Variants in STEAP4 observed in about 807,000 individuals in gnomAD.
The protein encoded by STEAP4 is STEAP4 metalloreductase, also known as metalloreductase STEAP4.
In STEAP4, 36 loss-of-function variants were observed where a neutral mutation model predicts 43.6. The ratio of observed to expected loss-of-function variants is 0.83; its 90% confidence interval spans 0.63 to 1.09. The LOEUF is 1.09. Ranked by LOEUF, STEAP4 falls within the 50% of genes least tolerant of loss-of-function variation. The probability of loss-of-function intolerance (pLI) is 0.00; values close to 1 mark genes in which losing one functional copy is unlikely to be tolerated. For missense variants in STEAP4, 495 were observed against 546.5 expected (o/e 0.91, Z 0.94); for synonymous variants, 191 against 196.7 (o/e 0.97, Z 0.24).
At chr7:88,296,516 T>C (rs1852926239) in intron 1 of STEAP4, among the ~76,000 whole-genome samples, 1 of 152,150 alleles carries the variant, frequency 6.6e-6, no homozygotes, top group Non-Finnish European at 1.5e-5. Flanking sequence ...TTATTCTTTC[T>C]GAATTTCAAC....
chr7:88,274,360 G>C lies in STEAP4; in HGVS notation c.*5038C>G, dbSNP rs1311971257. ...AAGCAAGTAGTACTGGATCCTTTTG[G>C]CTTTTGCTGGGTAATGGCAAGAGCA... is the stretch of plus-strand genomic sequence containing the variant. On this transcript the variant is annotated 3_prime_UTR_variant, in exon 5 of 5. Coordinates refer to ENST00000380079, the MANE Select transcript of STEAP4 (RefSeq NM_024636.4). 14 of 152,154 alleles carry C rather than the reference G, an allele frequency of 9.2e-5. No homozygotes were observed. Among genetic ancestry groups the C allele is most frequent in the Admixed American group, 9.2e-4 (14 of 15,284 alleles). 9.4% of individuals were successfully genotyped at this position (152,154 alleles called of 1,614,324 possible). A position where few individuals can be genotyped will look rare whatever the true frequency, so the allele number is the denominator to read the frequency against.
At chr7:88,301,567 G>A (rs1853034915) in intron 1 of STEAP4, among the ~76,000 whole-genome samples, 1 of 151,870 alleles carries the variant, frequency 6.6e-6, no homozygotes, top group African/African-American at 2.4e-5. Context: ...GTGAACCACT[G>A]CACCTGGCCC....
chr7:88,292,343 C>A (rs774144782), intron 1 of STEAP4: 12 of 152,044 alleles, frequency 7.9e-5, no homozygotes, highest in Non-Finnish European at 1.5e-4. Context: ...GCCCTTCCAG[C>A]TTTTGAGGAT....
In STEAP4 at chr7:88,282,624, T is replaced by C. The variant is rs1303823934; in HGVS notation, c.984+17A>G. 7 of 1,601,058 alleles carry C rather than the reference T, an allele frequency of 4.4e-6. No homozygotes were observed. The East Asian group carries it at 6.7e-5, about 15-fold the overall frequency. On this transcript the variant is annotated intron_variant, in intron 3 of 4. Transcript: ENST00000380079. ...CTGATTTCAGGAGCAGAAGAAAATA[T>C]ATAAGAAGAGATTTACCTGGGTAAC...
At chr7:88,282,537 G>T in intron 3 of STEAP4, 104 bp downstream of exon 3, 1 of 1,100,572 alleles carries the variant, frequency 9.1e-7, no homozygotes, top group Non-Finnish European at 1.3e-6. Context: ...CTTTAAAAAA[G>T]AAGATGCTTA....
At position 88,271,479 on chromosome 7, in the gene STEAP4, A is replaced by G. The variant is rs532444093; in HGVS notation, c.*7919T>C. 35 of 152,376 alleles carry G rather than the reference A, an allele frequency of 2.3e-4. No homozygotes were observed. The highest frequency in any genetic ancestry group is 6.7e-4 in the African/African-American group (28 of 41,594). The allele number at this position is 152,376 out of a possible 1,614,324, so 9.4% of individuals were successfully genotyped here. On this transcript the variant is annotated 3_prime_UTR_variant, in exon 5 of 5. Transcript: ENST00000380079. ...GGACATCTTTCCATATATGTGAAAGAAGGTGTCTTGGTTTGTTTTAAACAG... is the reference window on the plus strand; with the variant it reads ...GGACATCTTTCCATATATGTGAAAGGAGGTGTCTTGGTTTGTTTTAAACAG...
chr7:88,286,737 A>G (rs758448122), intron 1 of STEAP4, among the ~76,000 whole-genome samples: 11 of 150,264 alleles, frequency 7.3e-5, no homozygotes, highest in Admixed American at 1.3e-4. Context: ...GCTGTGAGCA[A>G]TTCCTTCAGG....
At chr7:88,283,345 TTAGA>T (rs1586744651) in intron 2 of STEAP4, 177 bp from the exon 3 acceptor site, 2 of 678,482 alleles carry the variant, frequency 2.9e-6, no homozygotes, top group East Asian at 2.9e-5. Flanking sequence ...ATGTGGTGTC[TTAGA>T]TAGGTAAGTA....
chr7:88,296,184 G>C (rs1376177007), intron 1 of STEAP4, among the ~76,000 whole-genome samples: 1 of 152,126 alleles, frequency 6.6e-6, no homozygotes, highest in African/African-American at 2.4e-5. Context: ...CTATCACATA[G>C]TACAGCATAA....
At chr7:88,282,112 C>A (rs1203690719) in intron 3 of STEAP4, 1 of 152,714 alleles carries the variant, frequency 6.5e-6, no homozygotes, top group Non-Finnish European at 1.5e-5. Flanking sequence ...AGATCTGGAC[C>A]CAAGCGAACC....
At chr7:88,280,660 T>C (rs1388215021) in intron 4 of STEAP4, among the ~76,000 whole-genome samples, 1 of 152,176 alleles carries the variant, frequency 6.6e-6, no homozygotes, top group Non-Finnish European at 1.5e-5. Flanking sequence ...AATTTTGTCT[T>C]GGGGTTTCTT....
At chr7:88,300,040 G>A (rs1372801714) in intron 1 of STEAP4, among the ~76,000 whole-genome samples, 1 of 152,172 alleles carries the variant, frequency 6.6e-6, no homozygotes, top group East Asian at 1.9e-4. Context: ...TGGAGCTGCT[G>A]GCTATAATCT....
At chr7:88,282,352 T>A (rs1427920933) in intron 3 of STEAP4, 1 of 368,718 alleles carries the variant, frequency 2.7e-6, no homozygotes, top group Non-Finnish European at 4.9e-6. Context: ...TTTCACCATG[T>A]TGGCCAGGAT....
Position 88,272,709 on chromosome 7 carries a change from T to G in STEAP4, c.*6689A>C, listed in dbSNP as rs1852454856. 1 of 152,132 alleles carries G rather than the reference T, an allele frequency of 6.6e-6. No individual in the cohort carries two copies. Among genetic ancestry groups the G allele is most frequent in the Admixed American group, 6.5e-5 (1 of 15,270 alleles). 9.4% of individuals were successfully genotyped at this position (152,132 alleles called of 1,614,324 possible). A position where few individuals can be genotyped will look rare whatever the true frequency, so the allele number is the denominator to read the frequency against. ...TGATTTGTAATGAACTGGAAAAAAA[T>G]GAAACAAAAATTACTGGCCCCCATC... On this transcript the variant is annotated 3_prime_UTR_variant, in exon 5 of 5. Transcript: ENST00000380079.
chr7:88,287,401 C>T (rs2115976266), intron 1 of STEAP4, among the ~76,000 whole-genome samples: 1 of 152,292 alleles, frequency 6.6e-6, no homozygotes, highest in Middle Eastern at 3.4e-3. Context: ...CCAATGGATT[C>T]ACCTTGCCTG....
intron 1 of STEAP4, among the ~76,000 whole-genome samples, chr7:88,285,190 T>C (rs1233449076): frequency 2.0e-5 from 3 of 152,118 alleles, no homozygotes; most frequent in Admixed American, 6.6e-5. Context: ...ATATTCTTCA[T>C]ATATTAAAAA....
At chr7:88,281,742 C>T (rs1347953058) in intron 3 of STEAP4, 1 of 152,202 alleles carries the variant, frequency 6.6e-6, no homozygotes, top group African/African-American at 2.4e-5. Flanking sequence ...CTTAAAACTC[C>T]TTCAGCTGAT....
Position 88,282,742 on chromosome 7 carries a change from A to G in STEAP4, c.883T>C (p.Leu295=). The G allele has an allele frequency of 6.2e-7, 1 of 1,614,130 alleles. No individual in the cohort carries two copies. The change falls in exon 3 of 5, where the codon TTG becomes CTG. Residue 295 remains leucine (L), a synonymous_variant. Transcript: ENST00000380079. ...AGGAAGGCAAATCCCAGAGCTACCA[A>G]GCCAAGCTGCTTTCGGCAAAGCATC... The part of the protein sequence containing the change: ...HWMLCRKQLG[L]VALGFAFLHV...
At chr7:88,302,951 CAA>C (rs35493493) in intron 1 of STEAP4, among the ~76,000 whole-genome samples, 6 of 51,450 alleles carry the variant, frequency 1.2e-4, no homozygotes, top group Admixed American at 4.7e-4. Context: ...GAGACTGTCT[CAA>C]AAAAAAAAAA....
Sources: gnomAD v4.1 joint callset for allele counts (sites outside exome capture counted in the v4.1 genomes callset) on GRCh38, gnomAD v4.1.1 for gene constraint, MANE v1.5 for transcripts, NCBI Gene and HGNC (gene_info 2026-07-23, HGNC 2026-07-21) for gene names.